Variants in FRAS1 observed in about 807,000 individuals in gnomAD.
FRAS1 encodes the protein Fraser extracellular matrix complex subunit 1, also known as extracellular matrix organizing protein FRAS1.
FRAS1 carries 290 observed loss-of-function variants against 435.2 expected under a neutral mutation model. The ratio of observed to expected loss-of-function variants is 0.67; its 90% confidence interval spans 0.61 to 0.73. FRAS1 has a LOEUF of 0.73. FRAS1 is among the 30% of genes least tolerant of loss of function. The pLI, the probability that FRAS1 is intolerant of heterozygous loss-of-function variation, is 0.00. For missense variants in FRAS1, 4,860 were observed against 5,001.5 expected (o/e 0.97, Z 0.85); for synonymous variants, 1,800 against 1,851.0 (o/e 0.97, Z 0.71).
chr4:78,430,508 G>T, intron 37 of FRAS1, 91 bp downstream of exon 37: 1 of 1,337,476 alleles, frequency 7.5e-7, no homozygotes, highest in Non-Finnish European at 1.0e-6. Flanking sequence ...CGAGAGCAAA[G>T]CGTCTTTGTG....
intron 2 of FRAS1, among the ~76,000 whole-genome samples, chr4:78,213,487 CA>C (rs1723606109): frequency 6.6e-6 from 1 of 152,232 alleles, no homozygotes; most frequent in Non-Finnish European, 1.5e-5. Context: ...CTATAAAACA[CA>C]AGTGGAGGAA....
chr4:78,329,367 G>A (rs1729847239), intron 18 of FRAS1, among the ~76,000 whole-genome samples: 1 of 152,128 alleles, frequency 6.6e-6, no homozygotes, highest in Admixed American at 6.5e-5. Flanking sequence ...AATTAATGAA[G>A]TGCTACAGCG....
chr4:78,096,974 G>A (rs1427771295), intron 2 of FRAS1, among the ~76,000 whole-genome samples: 1 of 152,174 alleles, frequency 6.6e-6, no homozygotes, highest in Non-Finnish European at 1.5e-5. Flanking sequence ...AAAATTTTCT[G>A]AACTTTTATG....
In FRAS1 at chr4:78,407,592, G is replaced by C. The variant is rs145714963; in HGVS notation, c.4130-71G>C. ...TTTCTAGTTAAAAAAAAAATGAGTAGTAGGAAAGGAGGTAAGGGCTCTGAC... is the reference window on the plus strand; with the variant it reads ...TTTCTAGTTAAAAAAAAAATGAGTACTAGGAAAGGAGGTAAGGGCTCTGAC... On this transcript the variant is annotated intron_variant, in intron 30 of 73. Transcript: ENST00000512123. 1.3e-4 allele frequency: 159 copies of C among 1,249,828 alleles called. 2 individuals are homozygous for C. In the East Asian group the frequency reaches 2.4e-3, roughly 19 times the overall value. The allele number at this position is 1,249,828 out of a possible 1,614,324, so 77.4% of individuals were successfully genotyped here.
At chr4:78,176,614 T>C (rs1721788480) in intron 2 of FRAS1, among the ~76,000 whole-genome samples, 1 of 152,192 alleles carries the variant, frequency 6.6e-6, no homozygotes, top group South Asian at 2.1e-4. Flanking sequence ...AAGTACAATT[T>C]AATTCAACCA....
chr4:78,465,046 C>T (rs754004062), intron 49 of FRAS1, among the ~76,000 whole-genome samples: 5 of 152,188 alleles, frequency 3.3e-5, no homozygotes, highest in African/African-American at 9.6e-5. Flanking sequence ...TGCAGTAAAA[C>T]AGGGCATGTG....
In FRAS1 at chr4:78,142,738, T is replaced by G. The variant is rs1720246849; in HGVS notation, c.108+76722T>G. ...AAATAGTTCATAATTTGGGAGGGGG[T>G]TAAATGGAGGAAAAGTGTTCTATGT... On this transcript the variant is annotated intron_variant, in intron 2 of 73. Transcript: ENST00000512123. 2.0e-5 allele frequency among the ~76,000 whole-genome samples: 3 copies of G among 151,780 alleles called. No individual in the cohort carries two copies. In the South Asian group the frequency reaches 6.3e-4, roughly 32 times the overall value.
intron 1 of FRAS1, among the ~76,000 whole-genome samples, chr4:78,061,580 T>C (rs140383300): frequency 6.6e-6 from 1 of 152,330 alleles, no homozygotes; most frequent in East Asian, 1.9e-4. Flanking sequence ...GCTCATTTGA[T>C]AGACAATATG....
rs1012277687 is a variant in FRAS1 at position 78,097,530 on chromosome 4, A to C, written c.108+31514A>C. The stretch of plus-strand genomic sequence containing the variant: ...CACAGTTCCATGTGGCTTGCCTTCC[A>C]TCTCACAATCATGGTGGAAGGCAAG... On this transcript the variant is annotated intron_variant, in intron 2 of 73. Transcript: ENST00000512123. 4.6e-5 allele frequency among the ~76,000 whole-genome samples: 7 copies of C among 152,338 alleles called. No homozygotes were observed. The East Asian group carries it at 5.8e-4, about 13-fold the overall frequency.
Position 78,539,370 on chromosome 4 carries a change from C to T in FRAS1, c.11375C>T (p.Pro3792Leu), listed in dbSNP as rs1560432112. 1.2e-6 allele frequency: 2 copies of T among 1,612,646 alleles called. No individual in the cohort carries two copies. Among genetic ancestry groups the T allele is most frequent in the African/African-American group, 1.3e-5 (1 of 74,856 alleles). The change falls in exon 73 of 74, where the codon CCT becomes CTT. Residue 3792 changes from proline (P) to leucine (L), a missense_variant. Pro to Leu is a moderately conservative substitution (Grantham distance 98). Transcript: ENST00000512123. ...GAGGCTCACTTTGCCTCTGAGTTGCCTGATTTCCATGTGGTCAGTAACATG... is the reference window on the plus strand; with the variant it reads ...GAGGCTCACTTTGCCTCTGAGTTGCTTGATTTCCATGTGGTCAGTAACATG... ...PFEAHFASELPDFHVVSNMPG... is the reference protein window; with the variant it reads ...PFEAHFASELLDFHVVSNMPG...
chr4:78,217,462 G>A (rs1323098186), intron 2 of FRAS1, among the ~76,000 whole-genome samples: 1 of 152,124 alleles, frequency 6.6e-6, no homozygotes. Flanking sequence ...GACTGCCAGA[G>A]CTTCAGCCCA....
chr4:78,235,268 C>T (rs1724701939), intron 2 of FRAS1, among the ~76,000 whole-genome samples: 1 of 152,168 alleles, frequency 6.6e-6, no homozygotes, highest in African/African-American at 2.4e-5. Context: ...CAAGTGGGCA[C>T]CATAGCCTAG....
At chr4:78,319,298 T>G in intron 18 of FRAS1, 1 of 504,832 alleles carries the variant, frequency 2.0e-6, no homozygotes, top group Middle Eastern at 3.0e-4. Flanking sequence ...CAGAGCTCAT[T>G]GTAGAATTTC....
At chr4:78,072,842 T>G (rs552736918) in intron 2 of FRAS1, among the ~76,000 whole-genome samples, 1 of 152,264 alleles carries the variant, frequency 6.6e-6, no homozygotes, top group Admixed American at 6.5e-5. Context: ...CTAGGTGTTG[T>G]CATAAATTTA....
At chr4:78,438,796 G>A in intron 39 of FRAS1, 78 bp downstream of exon 39, 1 of 1,503,882 alleles carries the variant, frequency 6.6e-7, no homozygotes, top group Non-Finnish European at 9.1e-7. Context: ...TTGTAGCTCT[G>A]TTGAAAGAAT....
intron 2 of FRAS1, among the ~76,000 whole-genome samples, chr4:78,211,663 G>C (rs986324535): frequency 6.6e-6 from 1 of 151,946 alleles, no homozygotes. Context: ...GTAAAGTTCT[G>C]ACATTAAGTA....
intron 60 of FRAS1, among the ~76,000 whole-genome samples, chr4:78,498,808 T>A (rs1720588127): frequency 6.6e-6 from 1 of 151,510 alleles, no homozygotes; most frequent in Non-Finnish European, 1.5e-5. Flanking sequence ...AAAGAAGGCA[T>A]GATTTGAATT....
At chr4:78,385,062 C>T (rs919836448) in intron 28 of FRAS1, among the ~76,000 whole-genome samples, 6 of 152,050 alleles carry the variant, frequency 3.9e-5, no homozygotes, top group African/African-American at 1.2e-4. Context: ...ATCAACAAAA[C>T]ACAGACATAA....
rs116111091 is a variant in FRAS1, at chr4:78,281,013, G to C, written c.1072-385G>C. ...GTATCAATTTTCCTACTCATTTTTGGAGATAAACTCAGTGAAATTAAAGAA... is the reference window on the plus strand; with the variant it reads ...GTATCAATTTTCCTACTCATTTTTGCAGATAAACTCAGTGAAATTAAAGAA... On this transcript the variant is annotated intron_variant, in intron 10 of 73. Coordinates refer to ENST00000512123, the MANE Select transcript of FRAS1 (RefSeq NM_025074.7). 2.3e-3 allele frequency among the ~76,000 whole-genome samples: 357 copies of C among 152,004 alleles called. 2 individuals carry two copies. The highest frequency in any genetic ancestry group is 8.3e-3 in the African/African-American group (343 of 41,478).
Sources: gnomAD v4.1 joint callset for allele counts (sites outside exome capture counted in the v4.1 genomes callset) on GRCh38, gnomAD v4.1.1 for gene constraint, MANE v1.5 for transcripts, NCBI Gene and HGNC (gene_info 2026-07-23, HGNC 2026-07-21) for gene names.